AFF1: variants seen among roughly 807,000 people sequenced by gnomAD.
The protein encoded by AFF1 is AF4/FMR2 family member 1.
AFF1 carries 48 observed loss-of-function variants against 121.7 expected under a neutral mutation model. That is an observed-to-expected ratio of 0.39 (90% confidence interval 0.31 to 0.50). The LOEUF (loss-of-function observed/expected upper bound fraction) is 0.50, where lower values mean the gene tolerates loss of function less well. Among genes scored for constraint, AFF1 ranks in the 20% least tolerant of loss-of-function variants. The pLI is 0.76. For missense variants in AFF1, 1,523 were observed against 1,511.7 expected (o/e 1.01, Z -0.12); for synonymous variants, 613 against 563.0 (o/e 1.09, Z -1.26).
chr4:87,132,567 G>A (rs1212994922), intron 19 of AFF1, among the ~76,000 whole-genome samples, 159 bp downstream of exon 19: 3 of 152,080 alleles, frequency 2.0e-5, no homozygotes, highest in African/African-American at 4.8e-5. Context: ...TAAATTATTA[G>A]CATATTTCTA....
intron 1 of AFF1, among the ~76,000 whole-genome samples, chr4:86,942,185 C>A (rs1279500522): frequency 6.6e-6 from 1 of 152,090 alleles, no homozygotes; most frequent in Non-Finnish European, 1.5e-5. Flanking sequence ...GAATAAATGG[C>A]AAACTTTGAG....
In AFF1 at chr4:87,114,917, C is replaced by A; in HGVS notation, c.2084C>A (p.Pro695His). The A allele has an allele frequency of 6.2e-7, 1 of 1,612,534 alleles. No homozygotes were observed. Among genetic ancestry groups the A allele is most frequent in the Non-Finnish European group, 8.5e-7 (1 of 1,179,372 alleles). ...APSKALSGPE[P>H]AKDNVEDRTP... ...TCTAAGGCTCTCTCAGGCCCAGAAC[C>A]CGCGAAGGACAATGTGGAGGACAGG... The change falls in exon 12 of 21, where the codon CCC becomes CAC. Residue 695 changes from proline (P) to histidine (H), a missense_variant. Physicochemically the swap from Pro to His is moderately conservative, Grantham distance 77. Transcript: ENST00000395146.
At position 87,127,116 on chromosome 4, in the gene AFF1, A is replaced by C; in HGVS notation, c.2902A>C (p.Lys968Gln). 6.2e-7 allele frequency: 1 copy of C among 1,609,644 alleles called. No individual in the cohort carries two copies. The change falls in exon 15 of 21, where the codon AAA (lysine) becomes CAA (glutamine). Residue 968 changes from lysine to glutamine, a missense_variant and splice_region_variant. Lys to Gln is a moderately conservative substitution (Grantham distance 53, BLOSUM62 1). Around this residue, in one of 5 missense-constraint regions of AFF1, gnomAD observed 905 missense variants for 842.5 expected, o/e 1.07. Coordinates refer to ENST00000395146, the MANE Select transcript of AFF1 (RefSeq NM_001166693.3). ...AGGGAAGCCTCAAGTGAAGTTTGAC[A>C]AGTAAGACTTCAGATGATTTCTTCT... ...KPGKPQVKFD[K>Q]QQADLHMREA...
At chr4:86,938,732 T>C (rs1047703071) in intron 1 of AFF1, among the ~76,000 whole-genome samples, 1 of 152,224 alleles carries the variant, frequency 6.6e-6, no homozygotes, top group Non-Finnish European at 1.5e-5. Context: ...TGGCTCTTTG[T>C]AGGTACACAT....
At chr4:87,127,224 G>C in intron 15 of AFF1, 107 bp downstream of exon 15, 1 of 1,011,978 alleles carries the variant, frequency 9.9e-7, no homozygotes, top group South Asian at 1.4e-5. Context: ...GTAGTGGCAT[G>C]ATCTTGGCTC....
At chr4:87,078,888 A>G (rs545208577) in intron 4 of AFF1, among the ~76,000 whole-genome samples, 2 of 152,290 alleles carry the variant, frequency 1.3e-5, no homozygotes, top group African/African-American at 2.4e-5. Context: ...ACCGCCTGTT[A>G]TTCCATATAT....
rs769505530 is a variant in AFF1, at chr4:87,131,533, A to G, written c.3102-260A>G. 6.0e-4 allele frequency among the ~76,000 whole-genome samples: 91 copies of G among 152,326 alleles called. No homozygotes were observed. In the Middle Eastern group the frequency reaches 0.014, roughly 23 times the overall value. ...AGTTTAAGCCTTTGTTTACTTACCT[A>G]CATTTCAACAGGGGACTCAGTAAGG... On this transcript the variant is annotated intron_variant, in intron 17 of 20. Transcript: ENST00000395146.
chr4:86,984,046 G>A (rs928930910), intron 2 of AFF1, among the ~76,000 whole-genome samples: 3 of 151,820 alleles, frequency 2.0e-5, no homozygotes, highest in Admixed American at 1.3e-4. Flanking sequence ...CAAAAAAAAA[G>A]AAAAAGAAAA....
chr4:86,991,796 A>G (rs1724745267), intron 2 of AFF1, among the ~76,000 whole-genome samples: 1 of 149,960 alleles, frequency 6.7e-6, no homozygotes, highest in African/African-American at 2.5e-5. Context: ...CAACAAATTA[A>G]TCCAACAGGA....
chr4:87,065,184 A>T (rs1191884170), intron 4 of AFF1, among the ~76,000 whole-genome samples: 3 of 152,236 alleles, frequency 2.0e-5, no homozygotes, highest in Non-Finnish European at 2.9e-5. Flanking sequence ...ACAGTTCCAC[A>T]TGGAAGCCTC....
chr4:86,951,623 C>CTTTTTTTTTTTTTT (rs1285365564), intron 2 of AFF1, among the ~76,000 whole-genome samples: 13 of 69,400 alleles, frequency 1.9e-4, no homozygotes, highest in African/African-American at 5.5e-4. Flanking sequence ...TTCTTTTTTT[C>CTTTTTTTTTTTTTT]TTTTTTTTTT....
chr4:87,007,312 C>T (rs1246055200), intron 2 of AFF1: 6 of 1,590,970 alleles, frequency 3.8e-6, no homozygotes, highest in Non-Finnish European at 5.1e-6. Flanking sequence ...CGCGTCCCCG[C>T]CCGGCTCCGC....
chr4:87,094,382 G>A (rs1463281253), intron 7 of AFF1, among the ~76,000 whole-genome samples: 1 of 152,188 alleles, frequency 6.6e-6, no homozygotes, highest in African/African-American at 2.4e-5. Flanking sequence ...TCAACAGTGA[G>A]CTCTCTGAGG....
intron 4 of AFF1, among the ~76,000 whole-genome samples, chr4:87,060,002 C>T (rs549475463): frequency 6.2e-4 from 94 of 152,190 alleles, no homozygotes; most frequent in Admixed American, 1.2e-3. Flanking sequence ...GAAAGATAAT[C>T]TCTTAAATGC....
intron 2 of AFF1, among the ~76,000 whole-genome samples, chr4:87,016,876 C>G (rs1727352306): frequency 1.3e-5 from 2 of 152,110 alleles, no homozygotes; most frequent in South Asian, 2.1e-4. Context: ...AATTTACCAG[C>G]CTCAGCACAT....
In AFF1 at chr4:87,137,485, T is replaced by G. The variant is rs1729393585; in HGVS notation, c.*1784T>G. 1 of 221,278 alleles carries G rather than the reference T, an allele frequency of 4.5e-6. No homozygotes were observed. The allele number at this position is 221,278 out of a possible 1,614,324, so 13.7% of individuals were successfully genotyped here. ...GTTTCTTCTCCAGACTGTTCTTTGG[T>G]TGTCACTAAGTCAGAGGTCTGGTCC... On this transcript the variant is annotated 3_prime_UTR_variant, in exon 21 of 21. Coordinates refer to ENST00000395146, the MANE Select transcript of AFF1 (RefSeq NM_001166693.3).
At chr4:86,991,523 T>C (rs1724717135) in intron 2 of AFF1, among the ~76,000 whole-genome samples, 1 of 151,856 alleles carries the variant, frequency 6.6e-6, no homozygotes, top group African/African-American at 2.4e-5. Context: ...AAGAGAAAAA[T>C]ACTGTTGAAA....
At chr4:86,949,338 C>G (rs1273469488) in intron 2 of AFF1, among the ~76,000 whole-genome samples, 2 of 150,260 alleles carry the variant, frequency 1.3e-5, no homozygotes, top group Admixed American at 1.3e-4. Context: ...TGGTCTCTAA[C>G]CCCTGACCTC....
rs1729410306 is a variant in AFF1, at chr4:87,137,687, G to GT, written c.*1989dup. The stretch of plus-strand genomic sequence containing the variant: ...TAAATGAACAGTAATTGCCTGGTAG[G>GT]TTTGGTGTGTGTGTAGCATTGTGTG... On this transcript the variant is annotated 3_prime_UTR_variant, in exon 21 of 21. Transcript: ENST00000395146. 4.3e-6 allele frequency: 1 copy of GT among 232,552 alleles called. No homozygotes were observed. The highest frequency in any genetic ancestry group is 2.2e-5 in the African/African-American group (1 of 45,272). 14.4% of individuals were successfully genotyped at this position (232,552 alleles called of 1,614,324 possible). A position where few individuals can be genotyped will look rare whatever the true frequency, so the allele number is the denominator to read the frequency against.
Sources: allele counts gnomAD v4.1 joint callset (sites outside exome capture counted in the v4.1 genomes callset), GRCh38; gene constraint gnomAD v4.1.1; regional missense constraint gnomAD v4.1.1; transcripts MANE v1.5; gene names NCBI Gene and HGNC (gene_info 2026-07-23, HGNC 2026-07-21).